SATB2: variants seen among roughly 807,000 people sequenced by gnomAD.
SATB2 encodes the protein DNA-binding protein SATB2.
SATB2 carries 1 observed loss-of-function variant against 73.4 expected under a neutral mutation model. The observed-to-expected ratio is 0.01, with a 90% CI of 0.00 to 0.06. The LOEUF is 0.06. Ranked by LOEUF, SATB2 falls within the 10% of genes least tolerant of loss-of-function variation. The pLI, the probability that SATB2 is intolerant of heterozygous loss-of-function variation, is 1.00. For missense variants in SATB2, 459 were observed against 945.8 expected (o/e 0.49, Z 6.75); for synonymous variants, 397 against 367.0 (o/e 1.08, Z -0.93).
intron 10 of SATB2, among the ~76,000 whole-genome samples, chr2:199,299,410 G>A (rs1308537494): frequency 3.3e-5 from 5 of 152,076 alleles, no homozygotes; most frequent in Non-Finnish European, 5.9e-5. Context: ...GAGGCTTAAC[G>A]TGTTTCAGAG....
chr2:199,331,892 T>A (rs370197265), intron 7 of SATB2, among the ~76,000 whole-genome samples: 2 of 152,162 alleles, frequency 1.3e-5, no homozygotes, highest in East Asian at 3.8e-4. Context: ...TAATAATTTA[T>A]CTCTCACATA....
At chr2:199,317,412 C>A (rs1048977997) in intron 9 of SATB2, among the ~76,000 whole-genome samples, 3 of 152,082 alleles carry the variant, frequency 2.0e-5, no homozygotes, top group Non-Finnish European at 4.4e-5. Context: ...TTTAATATGG[C>A]AACCTAATTT....
chr2:199,386,700 G>GCA (rs1689953297), intron 3 of SATB2, among the ~76,000 whole-genome samples: 1 of 2,148 alleles, frequency 4.7e-4, no homozygotes, highest in African/African-American at 2.1e-3. Flanking sequence ...GCGCAAGCGC[G>GCA]CGCGCGCGCG....
chr2:199,402,518 G>A (rs1236314570), intron 3 of SATB2, among the ~76,000 whole-genome samples: 1 of 152,030 alleles, frequency 6.6e-6, no homozygotes, highest in African/African-American at 2.4e-5. Flanking sequence ...GATCGAGATC[G>A]TAGCACTGCA....
In SATB2 at chr2:199,275,460, A is replaced by G. The variant is rs928338929; in HGVS notation, c.1741-2788T>C. Among the ~76,000 whole-genome samples, 4 of 131,156 alleles carry G rather than the reference A, an allele frequency of 3.0e-5. No homozygotes were observed. The East Asian group carries it at 9.7e-4, about 32-fold the overall frequency. 86.0% of individuals were successfully genotyped at this position (131,156 alleles called of 152,430 possible). ...ACATGGATTAATTAACTGAATCCTG[A>G]CAAGTTCCTCACAAAGGTGCTATTT... On this transcript the variant is annotated intron_variant, in intron 10 of 10. Coordinates refer to ENST00000417098, the MANE Select transcript of SATB2 (RefSeq NM_001172509.2).
At chr2:199,448,226 G>A (rs1692020706) in intron 2 of SATB2, among the ~76,000 whole-genome samples, 1 of 152,046 alleles carries the variant, frequency 6.6e-6, no homozygotes, top group African/African-American at 2.4e-5. Flanking sequence ...TTCCTTATAT[G>A]TAATAATAAT....
At chr2:199,379,797 G>A (rs1689715024) in intron 5 of SATB2, among the ~76,000 whole-genome samples, 1 of 150,762 alleles carries the variant, frequency 6.6e-6, no homozygotes, top group South Asian at 2.1e-4. Flanking sequence ...CAAAGTGCTA[G>A]GATTACAGGT....
chr2:199,449,158 G>A (rs1325984102), intron 2 of SATB2, among the ~76,000 whole-genome samples: 1 of 151,376 alleles, frequency 6.6e-6, no homozygotes, highest in Non-Finnish European at 1.5e-5. Context: ...CAATTAAAAA[G>A]GGGAAAAAAA....
intron 7 of SATB2, among the ~76,000 whole-genome samples, chr2:199,330,034 T>G (rs1032363867): frequency 6.6e-6 from 1 of 152,122 alleles, no homozygotes; most frequent in South Asian, 2.1e-4. Flanking sequence ...ACTGAAATCA[T>G]GAAAAGTCAC....
intron 3 of SATB2, among the ~76,000 whole-genome samples, chr2:199,388,718 T>G (rs1397144189): frequency 6.6e-6 from 1 of 152,116 alleles, no homozygotes; most frequent in Non-Finnish European, 1.5e-5. Context: ...AGGCTGGGGT[T>G]TGTATATCTC....
intron 10 of SATB2, among the ~76,000 whole-genome samples, chr2:199,306,125 T>C (rs1244642209): frequency 1.3e-5 from 2 of 152,182 alleles, no homozygotes; most frequent in African/African-American, 4.8e-5. Context: ...AGTCCTTGGC[T>C]TTTGGACAAT....
chr2:199,446,116 T>C (rs1213543691), intron 2 of SATB2, among the ~76,000 whole-genome samples: 6 of 152,184 alleles, frequency 3.9e-5, no homozygotes, highest in Non-Finnish European at 7.4e-5. Context: ...TTCTAGTCAA[T>C]GTTACAATTA....
chr2:199,323,989 A>G, intron 8 of SATB2, 31 bp from the exon 9 acceptor site: 1 of 1,612,730 alleles, frequency 6.2e-7, no homozygotes, highest in Non-Finnish European at 8.5e-7. Context: ...TAATAATTTA[A>G]AAAGTGCTGC....
At chr2:199,341,550 C>G (rs1048096586) in intron 7 of SATB2, among the ~76,000 whole-genome samples, 2 of 152,186 alleles carry the variant, frequency 1.3e-5, no homozygotes, top group Non-Finnish European at 2.9e-5. Context: ...CCTCCACATT[C>G]AATATCCATA....
At chr2:199,358,007 G>C (rs1320312916) in intron 6 of SATB2, among the ~76,000 whole-genome samples, 1 of 152,090 alleles carries the variant, frequency 6.6e-6, no homozygotes, top group African/African-American at 2.4e-5. Context: ...TTGGCGATAC[G>C]TAACAATTTT....
chr2:199,451,052 T>C (rs759620002), intron 2 of SATB2, among the ~76,000 whole-genome samples: 2 of 148,382 alleles, frequency 1.3e-5, no homozygotes, highest in Non-Finnish European at 3.0e-5. Context: ...TCTGCAGGGG[T>C]TAAAAAACAG....
chr2:199,391,129 T>G (rs1690119916), intron 3 of SATB2, among the ~76,000 whole-genome samples: 1 of 152,150 alleles, frequency 6.6e-6, no homozygotes, highest in Non-Finnish European at 1.5e-5. Context: ...TTGAAGATTT[T>G]GGGTTTTTGT....
At chr2:199,401,539 CA>C (rs974213960) in intron 3 of SATB2, among the ~76,000 whole-genome samples, 26 of 118,864 alleles carry the variant, frequency 2.2e-4, no homozygotes, top group East Asian at 1.4e-3. Flanking sequence ...GACTCTGTCT[CA>C]AAAAAAAAAA....
At chr2:199,415,436 TTG>T (rs1390457270) in intron 3 of SATB2, among the ~76,000 whole-genome samples, 2 of 152,230 alleles carry the variant, frequency 1.3e-5, no homozygotes, top group Non-Finnish European at 2.9e-5. Flanking sequence ...CTATATAGTA[TTG>T]TTTTAACTTA....
Sources: gnomAD v4.1 joint callset for allele counts (sites outside exome capture counted in the v4.1 genomes callset) on GRCh38, gnomAD v4.1.1 for gene constraint, MANE v1.5 for transcripts, NCBI Gene and HGNC (gene_info 2026-07-23, HGNC 2026-07-21) for gene names.